The following EYS variants were observed in gnomAD, a reference collection of about 807,000 sequenced individuals.
EYS encodes EGF-like photoreceptor maintenance factor.
Under a neutral mutation model 282.1 loss-of-function variants are expected in EYS, and 250 were observed. The observed-to-expected ratio is 0.89, with a 90% CI of 0.80 to 0.98. EYS has a LOEUF of 0.98. Among genes scored for constraint, EYS ranks in the 50% least tolerant of loss-of-function variants. EYS has a pLI of 0.00. For synonymous variants in EYS, 1,355 were observed against 1,282.9 expected (o/e 1.06, Z -1.20); for missense variants, 4,016 against 3,709.0 (o/e 1.08, Z -2.15).
chr6:65,525,801 G>T (rs987089699), intron 2 of EYS, among the ~76,000 whole-genome samples: 7 of 152,198 alleles, frequency 4.6e-5, no homozygotes, highest in Admixed American at 3.9e-4. Flanking sequence ...GAGTAGCTCA[G>T]AAGTCTTGAT....
intron 26 of EYS, among the ~76,000 whole-genome samples, chr6:64,505,098 G>A (rs1488924522): frequency 6.6e-6 from 1 of 152,192 alleles, no homozygotes; most frequent in East Asian, 1.9e-4. Flanking sequence ...CGAATGCTTA[G>A]TTATGAGGCT....
At chr6:63,958,038 A>G (rs1255533996) in intron 35 of EYS, among the ~76,000 whole-genome samples, 1 of 140,684 alleles carries the variant, frequency 7.1e-6, no homozygotes, top group Non-Finnish European at 1.6e-5. Context: ...CAAGAACAAG[A>G]ATTTTCAAGA....
intron 19 of EYS, among the ~76,000 whole-genome samples, chr6:64,882,535 A>C (rs1766956080): frequency 6.6e-6 from 1 of 151,610 alleles, no homozygotes. Context: ...GCTGTCGTTG[A>C]CAAAAAAAAA....
intron 6 of EYS, among the ~76,000 whole-genome samples, chr6:65,404,490 G>T (rs1766641271): frequency 6.6e-6 from 1 of 151,978 alleles, no homozygotes; most frequent in South Asian, 2.1e-4. Flanking sequence ...TTTAGAAGAA[G>T]CATGTATTAT....
chr6:65,577,750 T>TAAA (rs367879550), intron 2 of EYS, among the ~76,000 whole-genome samples: 42 of 143,900 alleles, frequency 2.9e-4, no homozygotes, highest in East Asian at 1.4e-3. Flanking sequence ...AAGCCTGTTT[T>TAAA]AAAAAAAAAA....
At chr6:64,966,324 G>C (rs999026747) in intron 14 of EYS, among the ~76,000 whole-genome samples, 1 of 152,080 alleles carries the variant, frequency 6.6e-6, no homozygotes, top group Non-Finnish European at 1.5e-5. Context: ...GAAAGAAATT[G>C]GTGTTGGGGG....
chr6:65,114,639 C>G (rs73765788), intron 12 of EYS, among the ~76,000 whole-genome samples: 1,990 of 151,850 alleles, frequency 0.013, 33 homozygotes, highest in African/African-American at 0.045. Flanking sequence ...TACTGTCTTT[C>G]TTGGATACCA....
At chr6:64,235,140 T>C (rs953793537) in intron 30 of EYS, among the ~76,000 whole-genome samples, 9 of 151,822 alleles carry the variant, frequency 5.9e-5, no homozygotes, top group African/African-American at 2.2e-4. Context: ...GCACAATGTG[T>C]AGGTTAGTTA....
intron 29 of EYS, among the ~76,000 whole-genome samples, chr6:64,322,596 T>C (rs922805128): frequency 2.0e-5 from 3 of 152,026 alleles, no homozygotes; most frequent in Non-Finnish European, 2.9e-5. Flanking sequence ...CAGATGAAAT[T>C]TGCAGAAGCT....
Position 64,121,579 on chromosome 6 carries a change from T to C in EYS, c.6425-39577A>G, listed in dbSNP as rs564547883. ...CCTTAATATAGTTAATCCACTTTCT[T>C]AGTTTCCATTCACTTGTCTATACAG... On this transcript the variant is annotated intron_variant, in intron 31 of 42. Coordinates refer to ENST00000503581, the MANE Select transcript of EYS (RefSeq NM_001142800.2). Among the ~76,000 whole-genome samples, 15 of 152,346 alleles carry C rather than the reference T, an allele frequency of 9.8e-5. No individual in the cohort carries two copies. In the East Asian group the frequency reaches 2.7e-3, roughly 27 times the overall value.
At chr6:64,153,449 C>A (rs527722738) in intron 31 of EYS, among the ~76,000 whole-genome samples, 1 of 152,260 alleles carries the variant, frequency 6.6e-6, no homozygotes, top group South Asian at 2.1e-4. Flanking sequence ...TAAAGAGTCA[C>A]TCTGTTTTCA....
At chr6:65,099,947 TGTA>T (rs768102936) in intron 12 of EYS, among the ~76,000 whole-genome samples, 44 of 150,964 alleles carry the variant, frequency 2.9e-4, no homozygotes, top group Non-Finnish European at 5.5e-4. Context: ...CAAAGTAAGA[TGTA>T]GTGACAATGA....
At chr6:64,768,479 G>A (rs1256826742) in intron 22 of EYS, among the ~76,000 whole-genome samples, 1 of 152,110 alleles carries the variant, frequency 6.6e-6, no homozygotes, top group African/African-American at 2.4e-5. Flanking sequence ...TAGTCCTTCT[G>A]AAAAGTCTAT....
At chr6:65,176,450 A>G (rs2150230358) in intron 12 of EYS, among the ~76,000 whole-genome samples, 1 of 151,840 alleles carries the variant, frequency 6.6e-6, no homozygotes, top group Admixed American at 6.6e-5. Context: ...AAGATTCACA[A>G]CACAAAACTT....
chr6:65,526,058 C>T (rs1025429703), intron 2 of EYS, among the ~76,000 whole-genome samples: 1 of 152,028 alleles, frequency 6.6e-6, no homozygotes, highest in Non-Finnish European at 1.5e-5. Context: ...GTCAGGGAGG[C>T]GTATCTGGTG....
intron 36 of EYS, among the ~76,000 whole-genome samples, chr6:63,827,575 T>C (rs964641132): frequency 2.0e-5 from 3 of 152,164 alleles, no homozygotes; most frequent in African/African-American, 7.2e-5. Context: ...CCGGGCGCGG[T>C]GGCTCACGCC....
chr6:65,109,109 C>A (rs1775130887), intron 12 of EYS, among the ~76,000 whole-genome samples: 1 of 151,760 alleles, frequency 6.6e-6, no homozygotes, highest in Admixed American at 6.6e-5. Context: ...CCTATTTTGT[C>A]TATTTTGTAA....
intron 29 of EYS, among the ~76,000 whole-genome samples, chr6:64,315,305 A>G (rs1008336268): frequency 6.6e-6 from 1 of 152,228 alleles, no homozygotes; most frequent in Non-Finnish European, 1.5e-5. Context: ...GTCCAGGATC[A>G]GATGGATTCA....
chr6:65,310,309 A>G (rs1315962355), intron 11 of EYS, among the ~76,000 whole-genome samples: 1 of 151,874 alleles, frequency 6.6e-6, no homozygotes, highest in Non-Finnish European at 1.5e-5. Flanking sequence ...ATGACACTGC[A>G]CTCCAGCCTG....
Sources: allele counts gnomAD v4.1 joint callset (sites outside exome capture counted in the v4.1 genomes callset), GRCh38; gene constraint gnomAD v4.1.1; transcripts MANE v1.5; gene names NCBI Gene and HGNC (gene_info 2026-07-23, HGNC 2026-07-21).